The following PTER variants were observed in gnomAD, a reference collection of about 807,000 sequenced individuals.
The protein encoded by PTER is phosphotriesterase related, also known as N-acetyltaurine hydrolase.
In PTER, 38 loss-of-function variants were observed where a neutral mutation model predicts 29.6. That is an observed-to-expected ratio of 1.28 (90% CI 0.99 to 1.68). PTER has a LOEUF of 1.68. Ranked by LOEUF, PTER falls within the 40% of genes most tolerant of loss-of-function variation. PTER has a pLI of 0.00. For missense variants in PTER, 482 were observed against 427.8 expected, an observed-to-expected ratio of 1.13 and a Z score of -1.12; for synonymous variants, 172 against 154.5, an observed-to-expected ratio of 1.11 and a Z score of -0.84.
At chr10:16,505,272 G>T in intron 4 of PTER, 112 bp downstream of exon 4, 5 of 1,316,856 alleles carry the variant, frequency 3.8e-6, no homozygotes, top group Non-Finnish European at 5.2e-6. Context: ...CCGAACCACA[G>T]ACTTGCAGAG....
At chr10:16,448,117 C>A (rs1287909640) in intron 1 of PTER, among the ~76,000 whole-genome samples, 1 of 152,220 alleles carries the variant, frequency 6.6e-6, no homozygotes, top group Non-Finnish European at 1.5e-5. Context: ...TGGCCAAGAG[C>A]TGTCTCTCAA....
intron 1 of PTER, among the ~76,000 whole-genome samples, chr10:16,456,844 A>G (rs1441337990): frequency 1.6e-5 from 2 of 126,370 alleles, no homozygotes; most frequent in South Asian, 3.0e-4. Flanking sequence ...GTGGGAGGTA[A>G]CTGAACCATG....
intron 1 of PTER, among the ~76,000 whole-genome samples, chr10:16,467,563 A>G (rs1834882615): frequency 1.3e-5 from 2 of 152,136 alleles, no homozygotes; most frequent in South Asian, 2.1e-4. Flanking sequence ...TGTAATCCCA[A>G]CACTTTGGGA....
intron 2 of PTER, among the ~76,000 whole-genome samples, chr10:16,485,657 C>G (rs951167676): frequency 2.0e-5 from 3 of 152,002 alleles, no homozygotes; most frequent in Admixed American, 1.3e-4. Context: ...AAAGACTATG[C>G]TGATGATGAG....
In PTER at chr10:16,508,056, CTT is replaced by C. The variant is rs989254822; in HGVS notation, c.839+2902_839+2903del. 8.2e-5 allele frequency among the ~76,000 whole-genome samples: 12 copies of C among 146,244 alleles called. No individual in the cohort carries two copies. The South Asian group carries it at 2.6e-3, about 32-fold the overall frequency. On this transcript the variant is annotated intron_variant, in intron 4 of 4. Transcript: ENST00000535784. ...TCAACATATGTTTTATTTCTTTTTT[CTT>C]TTTTTCTTTTTCTTTTTTTTTTTTT...
chr10:16,498,812 G>GA (rs1298303263), intron 3 of PTER, among the ~76,000 whole-genome samples: 1 of 152,178 alleles, frequency 6.6e-6, no homozygotes, highest in African/African-American at 2.4e-5. Flanking sequence ...AAGTGAAAAA[G>GA]AAAGTCACTT....
intron 1 of PTER, among the ~76,000 whole-genome samples, chr10:16,481,462 T>G (rs1835477776): frequency 6.6e-6 from 1 of 152,160 alleles, no homozygotes; most frequent in Admixed American, 6.5e-5. Flanking sequence ...GAAGCGTGTA[T>G]TCTAGATACA....
rs990532249 is a variant in PTER at position 16,507,271 on chromosome 10, G to GTA, written c.839+2120_839+2121dup. Among the ~76,000 whole-genome samples, 4 of 151,238 alleles carry GTA rather than the reference G, an allele frequency of 2.6e-5. No homozygotes were observed. In the Admixed American group the frequency reaches 2.6e-4, roughly 10 times the overall value. ...TATGTGTATATATATATGTGTGTGT[G>GTA]TATATATATACACAGTAGAAGAAGT... On this transcript the variant is annotated intron_variant, in intron 4 of 4. Transcript: ENST00000535784.
intron 1 of PTER, among the ~76,000 whole-genome samples, chr10:16,453,498 A>G (rs1356611932): frequency 6.6e-6 from 1 of 152,190 alleles, no homozygotes; most frequent in Admixed American, 6.5e-5. Context: ...AGACACCATT[A>G]TTGTATACTT....
intron 3 of PTER, chr10:16,486,847 T>C: frequency 2.1e-6 from 1 of 486,152 alleles, no homozygotes; most frequent in South Asian, 3.5e-5. Context: ...TCACATAAGA[T>C]ATTTCGCATA....
Position 16,486,304 on chromosome 10 carries a change from G to C in PTER, c.433-48G>C, listed in dbSNP as rs758293131. ...TCACATACTGTGGTGGATCTATTTT[G>C]ATAAATTTCACAACCTATAAAATAT... On this transcript the variant is annotated intron_variant, in intron 2 of 4. Transcript: ENST00000535784. 15 of 1,514,762 alleles carry C rather than the reference G, an allele frequency of 9.9e-6. 1 individual carries two copies. Among genetic ancestry groups the C allele is most frequent in the Middle Eastern group, 1.8e-4 (1 of 5,666 alleles). 93.8% of individuals were successfully genotyped at this position (1,514,762 alleles called of 1,614,324 possible).
intron 1 of PTER, among the ~76,000 whole-genome samples, chr10:16,453,760 G>A (rs1384048251): frequency 6.6e-6 from 1 of 152,188 alleles, no homozygotes; most frequent in Non-Finnish European, 1.5e-5. Context: ...AAAATGGTCT[G>A]TCTGATTTTC....
rs149904216 is a variant in PTER at position 16,440,878 on chromosome 10, G to A, written c.-49+3831G>A. Among the ~76,000 whole-genome samples the A allele has an allele frequency of 2.6e-3, 389 of 152,324 alleles. 3 individuals are homozygous for A. The highest frequency in any genetic ancestry group is 8.6e-3 in the African/African-American group (358 of 41,576). On this transcript the variant is annotated intron_variant, in intron 1 of 4. Transcript: ENST00000535784. ...TGTGGCCTAGCCTGGTCAAGCCTGC[G>A]TAATGAATATTATCAGATAAGCTGC...
At chr10:16,485,898 C>A (rs1835676637) in intron 2 of PTER, among the ~76,000 whole-genome samples, 1 of 152,028 alleles carries the variant, frequency 6.6e-6, no homozygotes, top group African/African-American at 2.4e-5. Context: ...GTTCCAAGTC[C>A]AGCCTGAGTA....
At chr10:16,453,373 T>C (rs1397339825) in intron 1 of PTER, among the ~76,000 whole-genome samples, 3 of 152,180 alleles carry the variant, frequency 2.0e-5, no homozygotes, top group African/African-American at 7.2e-5. Context: ...CATATATACA[T>C]ATATATAATA....
chr10:16,442,324 A>G (rs1833877796), intron 1 of PTER, among the ~76,000 whole-genome samples: 1 of 152,242 alleles, frequency 6.6e-6, no homozygotes, highest in Non-Finnish European at 1.5e-5. Context: ...ACATTCTTGC[A>G]TATCTGAAAG....
chr10:16,480,850 AT>A (rs1472453483), intron 1 of PTER, among the ~76,000 whole-genome samples: 1 of 152,346 alleles, frequency 6.6e-6, no homozygotes, highest in African/African-American at 2.4e-5. Context: ...TTGTCTAAGT[AT>A]TTTGTAGAAG....
intron 3 of PTER, among the ~76,000 whole-genome samples, chr10:16,499,092 C>G (rs1186833006): frequency 1.3e-5 from 2 of 152,148 alleles, no homozygotes; most frequent in African/African-American, 4.8e-5. Context: ...TTGTTTGAAG[C>G]TCTTCAGGTT....
At chr10:16,437,568 C>T (rs930735333) in intron 1 of PTER, 3 of 151,850 alleles carry the variant, frequency 2.0e-5, no homozygotes, top group African/African-American at 7.3e-5. Context: ...TGGTTTCGAA[C>T]TCCTGGGCTC....
Sources: gnomAD v4.1 joint callset for allele counts (sites outside exome capture counted in the v4.1 genomes callset) on GRCh38, gnomAD v4.1.1 for gene constraint, MANE v1.5 for transcripts, NCBI Gene and HGNC (gene_info 2026-07-23, HGNC 2026-07-21) for gene names.